Variants in ASTN2 observed in about 807,000 individuals in gnomAD.
The protein encoded by ASTN2 is astrotactin-2.
A neutral mutation model predicts 139.8 loss-of-function variants in ASTN2; 54 were observed. The observed-to-expected ratio is 0.39, with a 90% CI of 0.31 to 0.48. ASTN2 has a LOEUF of 0.48. ASTN2 is among the 20% of genes least tolerant of loss of function. ASTN2 has a pLI of 0.95. For missense variants in ASTN2, 1,565 were observed against 1,725.1 expected (o/e 0.91, Z 1.64); for synonymous variants, 756 against 719.5 (o/e 1.05, Z -0.81).
intron 16 of ASTN2, among the ~76,000 whole-genome samples, chr9:116,710,085 G>C (rs935284396): frequency 1.3e-5 from 2 of 152,136 alleles, no homozygotes; most frequent in Admixed American, 1.3e-4. Context: ...TGATAGGGAA[G>C]CCTAGGTAGG....
chr9:117,342,026 T>C (rs1282391112), intron 1 of ASTN2, among the ~76,000 whole-genome samples: 1 of 152,220 alleles, frequency 6.6e-6, no homozygotes, highest in Non-Finnish European at 1.5e-5. Context: ...TATTCTCTTC[T>C]GGATGCCTAG....
Position 116,653,597 on chromosome 9 carries a change from C to T in ASTN2, c.2807-1804G>A, listed in dbSNP as rs554919914. Among the ~76,000 whole-genome samples the T allele has an allele frequency of 5.3e-5, 8 of 152,272 alleles. No individual in the cohort carries two copies. In the South Asian group the frequency reaches 6.2e-4, roughly 12 times the overall value. The stretch of plus-strand genomic sequence containing the variant: ...AGCTTAATCCATCTGGCAGCTTCAA[C>T]GAAGCCTAGTAATGTCAAGGCAAGC... On this transcript the variant is annotated intron_variant, in intron 16 of 22. Transcript: ENST00000313400.
intron 19 of ASTN2, among the ~76,000 whole-genome samples, chr9:116,594,646 A>G (rs1854495834): frequency 6.6e-6 from 1 of 152,082 alleles, no homozygotes; most frequent in Non-Finnish European, 1.5e-5. Context: ...CTGCTTCCCT[A>G]TTTTATGGGC....
At chr9:116,675,007 G>A (rs545361271) in intron 16 of ASTN2, among the ~76,000 whole-genome samples, 1 of 152,108 alleles carries the variant, frequency 6.6e-6, no homozygotes, top group Non-Finnish European at 1.5e-5. Context: ...CTCTGTCTAC[G>A]CAGTGGGCAA....
At chr9:117,342,759 T>C (rs1351083162) in intron 1 of ASTN2, among the ~76,000 whole-genome samples, 2 of 152,106 alleles carry the variant, frequency 1.3e-5, no homozygotes, top group African/African-American at 4.8e-5. Flanking sequence ...AAATAGAATA[T>C]CCATAACAAA....
At chr9:117,216,700 A>G (rs1355731483) in intron 2 of ASTN2, among the ~76,000 whole-genome samples, 1 of 152,088 alleles carries the variant, frequency 6.6e-6, no homozygotes, top group Non-Finnish European at 1.5e-5. Flanking sequence ...GTGACATGAT[A>G]TTATTTGTCT....
chr9:116,937,827 C>T (rs1232419577), intron 10 of ASTN2, among the ~76,000 whole-genome samples: 1 of 152,178 alleles, frequency 6.6e-6, no homozygotes, highest in Non-Finnish European at 1.5e-5. Flanking sequence ...CAACATGCTG[C>T]CCTCATCTGC....
chr9:116,466,828 T>C (rs1259848816), intron 20 of ASTN2, among the ~76,000 whole-genome samples: 1 of 152,176 alleles, frequency 6.6e-6, no homozygotes, highest in Non-Finnish European at 1.5e-5. Context: ...CCATGATTTG[T>C]GGGGCTTCTG....
chr9:117,191,696 C>T (rs1437464479), intron 3 of ASTN2, among the ~76,000 whole-genome samples: 1 of 152,100 alleles, frequency 6.6e-6, no homozygotes, highest in Admixed American at 6.6e-5. Flanking sequence ...TTCAAGGGAG[C>T]CCAGGACAGG....
chr9:116,660,493 C>A (rs977413087), intron 16 of ASTN2, among the ~76,000 whole-genome samples: 6 of 152,050 alleles, frequency 3.9e-5, no homozygotes, highest in African/African-American at 1.5e-4. Context: ...AATTTTAGTA[C>A]CTAAATATTG....
chr9:116,449,233 C>A (rs929924344), intron 20 of ASTN2, among the ~76,000 whole-genome samples: 1 of 151,992 alleles, frequency 6.6e-6, no homozygotes, highest in Non-Finnish European at 1.5e-5. Flanking sequence ...TGGTGAAACC[C>A]CATCTCTACA....
At chr9:116,734,155 C>T (rs1316647122) in intron 13 of ASTN2, among the ~76,000 whole-genome samples, 1 of 152,014 alleles carries the variant, frequency 6.6e-6, no homozygotes, top group African/African-American at 2.4e-5. Flanking sequence ...TGAATCACAA[C>T]CTGATAGGTT....
intron 19 of ASTN2, among the ~76,000 whole-genome samples, chr9:116,578,211 C>T (rs1022855990): frequency 2.0e-5 from 3 of 152,096 alleles, no homozygotes; most frequent in African/African-American, 7.2e-5. Context: ...GCAGTGAGCC[C>T]AGAGACGACA....
chr9:116,616,565 T>C (rs1011581521), intron 19 of ASTN2, among the ~76,000 whole-genome samples: 4 of 152,230 alleles, frequency 2.6e-5, no homozygotes, highest in Non-Finnish European at 4.4e-5. Context: ...TTACTTACTT[T>C]ATCTGTAGAA....
intron 13 of ASTN2, among the ~76,000 whole-genome samples, chr9:116,803,508 ATATATATATATATATTT>A (rs1382285625): frequency 1.1e-3 from 8 of 7,080 alleles, no homozygotes; most frequent in African/African-American, 5.3e-3. Context: ...ATATATATAT[ATATATATATATATATTT>A]TTTTTTTTTT....
intron 19 of ASTN2, among the ~76,000 whole-genome samples, chr9:116,616,780 GACACACAC>G (rs59771463): frequency 2.0e-5 from 3 of 149,582 alleles, no homozygotes; most frequent in African/African-American, 4.9e-5. Flanking sequence ...GAAGGACAAA[GACACACAC>G]ACACACACAC....
chr9:117,217,344 C>T (rs181267225), intron 2 of ASTN2, among the ~76,000 whole-genome samples: 179 of 152,180 alleles, frequency 1.2e-3, no homozygotes, highest in African/African-American at 4.2e-3. Context: ...TACATGGTTC[C>T]TGGGCCTTCA....
intron 13 of ASTN2, among the ~76,000 whole-genome samples, chr9:116,798,893 A>C (rs1830769364): frequency 6.6e-6 from 1 of 152,204 alleles, no homozygotes; most frequent in Admixed American, 6.5e-5. Flanking sequence ...AGGCCACTGA[A>C]GTTTGAAATT....
intron 19 of ASTN2, among the ~76,000 whole-genome samples, chr9:116,505,614 T>C (rs1315358306): frequency 6.6e-6 from 1 of 152,158 alleles, no homozygotes; most frequent in Non-Finnish European, 1.5e-5. Flanking sequence ...ACCCAGTGCT[T>C]CTCCTTAATG....
Sources: allele counts gnomAD v4.1 joint callset (sites outside exome capture counted in the v4.1 genomes callset), GRCh38; gene constraint gnomAD v4.1.1; transcripts MANE v1.5; gene names NCBI Gene and HGNC (gene_info 2026-07-23, HGNC 2026-07-21).